The following RAB37 variants were observed in gnomAD, a reference collection of about 807,000 sequenced individuals.
RAB37 encodes RAB37, member RAS oncogene family.
RAB37 carries 29 observed loss-of-function variants against 33.1 expected under a neutral mutation model. That is an observed-to-expected ratio of 0.88 (90% CI 0.65 to 1.20). RAB37 has a LOEUF of 1.20. RAB37 is among the 50% of genes most tolerant of loss of function. The pLI, the probability that RAB37 is intolerant of heterozygous loss-of-function variation, is 0.00. For missense variants in RAB37, 299 were observed against 301.1 expected (o/e 0.99, Z 0.05); for synonymous variants, 128 against 119.5 (o/e 1.07, Z -0.47).
At chr17:74,707,164 C>T (rs1474756622) in intron 1 of RAB37, among the ~76,000 whole-genome samples, 3 of 152,122 alleles carry the variant, frequency 2.0e-5, no homozygotes, top group Admixed American at 2.0e-4. Flanking sequence ...AGCTTCTGCA[C>T]AGCAAAGGAA....
chr17:74,692,861 G>T (rs2032189319), intron 1 of RAB37, among the ~76,000 whole-genome samples: 1 of 152,190 alleles, frequency 6.6e-6, no homozygotes. Flanking sequence ...TCTGAGAGAT[G>T]CCTTCTACTC....
intron 1 of RAB37, among the ~76,000 whole-genome samples, chr17:74,720,796 C>T (rs910421604): frequency 6.6e-6 from 1 of 151,990 alleles, no homozygotes; most frequent in Non-Finnish European, 1.5e-5. Flanking sequence ...TACCCGGGTT[C>T]TTGTCAGGTG....
intron 1 of RAB37, among the ~76,000 whole-genome samples, chr17:74,709,278 A>T (rs2033776698): frequency 6.6e-6 from 1 of 152,112 alleles, no homozygotes; most frequent in Non-Finnish European, 1.5e-5. Flanking sequence ...TAACAGAGTC[A>T]AGGAGAAAAA....
Position 74,695,008 on chromosome 17 carries a change from G to A in RAB37, c.72+23350G>A, listed in dbSNP as rs969888193. 3.5e-6 allele frequency: 5 copies of A among 1,435,836 alleles called. No homozygotes were observed. In the African/African-American group the frequency reaches 5.7e-5, roughly 16 times the overall value. The allele number at this position is 1,435,836 out of a possible 1,614,324, so 88.9% of individuals were successfully genotyped here. A position where few individuals can be genotyped will look rare whatever the true frequency, so the allele number is the denominator to read the frequency against. ...GGCAGAGGCACCAGTCCCCGGGTTGGTCCTGATGAGGGGAGCAGGGGGCAG... is the reference window on the plus strand; with the variant it reads ...GGCAGAGGCACCAGTCCCCGGGTTGATCCTGATGAGGGGAGCAGGGGGCAG... On this transcript the variant is annotated intron_variant, in intron 1 of 7. Coordinates refer to the RAB37 transcript ENST00000340415.
At position 74,671,626 on chromosome 17, in the gene RAB37, G is replaced by T. The variant is rs956698681; in HGVS notation, c.40G>T (p.Gly14Cys). The change falls in exon 1 of 8, where the codon GGC becomes TGC. Residue 14 changes from glycine to cysteine, a missense_variant. Coordinates refer to the RAB37 transcript ENST00000340415. The surrounding 1 kb of genome is among the most constrained non-coding windows in gnomAD (Gnocchi z 5.0). ...ACCCGATTCCTACCAGGGAGGAGCTGGCCCTGACTTCAACGACCACGTCCT... is the reference window on the plus strand; with the variant it reads ...ACCCGATTCCTACCAGGGAGGAGCTTGCCCTGACTTCAACGACCACGTCCT... 3 of 1,614,100 alleles carry T rather than the reference G, an allele frequency of 1.9e-6. No homozygotes were observed. The highest frequency in any genetic ancestry group is 2.7e-5 in the African/African-American group (2 of 74,936).
In RAB37 at chr17:74,729,131, G is replaced by A; in HGVS notation, c.73-125G>A. ...CAGTGTCTTGTGTGTGTGTGTTTCT[G>A]TGTGTGTGTGTGCATGTTGTGCACA... On this transcript the variant is annotated intron_variant, in intron 1 of 7. Transcript: ENST00000340415. The surrounding 1 kb of genome is among the most constrained non-coding windows in gnomAD (Gnocchi z 4.2). The A allele has an allele frequency of 1.6e-6, 1 of 625,742 alleles. No individual in the cohort carries two copies. Among genetic ancestry groups the A allele is most frequent in the Admixed American group, 2.2e-5 (1 of 45,040 alleles). The allele number at this position is 625,742 out of a possible 1,614,324, so 38.8% of individuals were successfully genotyped here.
intron 1 of RAB37, chr17:74,704,717 G>T: frequency 6.2e-7 from 1 of 1,614,102 alleles, no homozygotes; most frequent in Non-Finnish European, 8.5e-7. Flanking sequence ...CTTCAAGTAG[G>T]TCTCCCAGCC....
intron 1 of RAB37, among the ~76,000 whole-genome samples, chr17:74,675,067 T>G (rs2031795834): frequency 6.6e-6 from 1 of 152,360 alleles, no homozygotes; most frequent in East Asian, 1.9e-4. Context: ...TGATAATACC[T>G]GCCTTATTAT....
intron 1 of RAB37, among the ~76,000 whole-genome samples, chr17:74,688,564 A>AC (rs1293330221): frequency 6.6e-6 from 1 of 151,154 alleles, no homozygotes; most frequent in Non-Finnish European, 1.5e-5. Flanking sequence ...AAAAAAAAAA[A>AC]AAGAAAAGAA....
chr17:74,711,100 C>A (rs1267552060), intron 1 of RAB37, among the ~76,000 whole-genome samples: 1 of 151,700 alleles, frequency 6.6e-6, no homozygotes, highest in Non-Finnish European at 1.5e-5. Flanking sequence ...TATTTTTTTT[C>A]TTGGGTGTTT....
chr17:74,673,407 CA>C (rs35423662), intron 1 of RAB37, among the ~76,000 whole-genome samples: 276 of 137,912 alleles, frequency 2.0e-3, no homozygotes, highest in African/African-American at 6.6e-3. Flanking sequence ...GACCTTGTCT[CA>C]AAAAAAAAAA....
chr17:74,695,721 G>A (rs1228310886), intron 1 of RAB37: 21 of 1,613,972 alleles, frequency 1.3e-5, no homozygotes, highest in Middle Eastern at 1.6e-4. Flanking sequence ...CATGGAGGAC[G>A]CACCATGGTG....
chr17:74,719,591 G>GCCCCTCTTCGTCTGATCCGTCC (rs1567806839), intron 1 of RAB37, among the ~76,000 whole-genome samples: 1 of 152,084 alleles, frequency 6.6e-6, no homozygotes, highest in Non-Finnish European at 1.5e-5. Flanking sequence ...CAATGCAGCT[G>GCCCCTCTTCGTCTGATCCGTCC]TAATTCTGGA....
chr17:74,721,613 A>T (rs2034241913), intron 1 of RAB37, among the ~76,000 whole-genome samples: 8 of 151,934 alleles, frequency 5.3e-5, no homozygotes, highest in Admixed American at 5.2e-4. Context: ...TTGTATTTTC[A>T]GTAGAGACAG....
chr17:74,678,055 G>A (rs1407285930), intron 1 of RAB37, among the ~76,000 whole-genome samples: 5 of 152,212 alleles, frequency 3.3e-5, no homozygotes, highest in Non-Finnish European at 1.5e-5. Flanking sequence ...CCAGGCTGGA[G>A]AATTGTTGAA....
intron 1 of RAB37, among the ~76,000 whole-genome samples, chr17:74,673,930 C>T (rs1455247367): frequency 6.6e-6 from 1 of 152,148 alleles, no homozygotes; most frequent in Non-Finnish European, 1.5e-5. Flanking sequence ...TTGTGATCCA[C>T]TTAAAACTCT....
intron 1 of RAB37, among the ~76,000 whole-genome samples, chr17:74,692,302 T>C (rs960665617): frequency 6.6e-6 from 1 of 152,202 alleles, no homozygotes; most frequent in African/African-American, 2.4e-5. Flanking sequence ...AGTCTCACTC[T>C]GACCTGACCA....
chr17:74,699,287 C>A (rs2032815417), intron 1 of RAB37, among the ~76,000 whole-genome samples: 1 of 152,162 alleles, frequency 6.6e-6, no homozygotes. Context: ...AGAAGCCTAA[C>A]AGAAATTGTA....
rs2034633284 is a variant in RAB37, at chr17:74,742,095, A to T, written c.205-159A>T. On this transcript the variant is annotated intron_variant, in intron 2 of 8. Coordinates refer to ENST00000392613, the MANE Select transcript of RAB37 (RefSeq NM_001006638.3). The surrounding 1 kb of genome is among the most constrained non-coding windows in gnomAD (Gnocchi z 4.0). ...GACTCCACAGTGGAGGTGTCTGGGTATGGGGTTCCTGCTGCCCTGATGGTA... is the reference window on the plus strand; with the variant it reads ...GACTCCACAGTGGAGGTGTCTGGGTTTGGGGTTCCTGCTGCCCTGATGGTA... Among the ~76,000 whole-genome samples, 1 of 152,158 alleles carries T rather than the reference A, an allele frequency of 6.6e-6. No homozygotes were observed. The highest frequency in any genetic ancestry group is 1.5e-5 in the Non-Finnish European group (1 of 68,022).
Sources: allele counts gnomAD v4.1 joint callset (sites outside exome capture counted in the v4.1 genomes callset), GRCh38; gene constraint gnomAD v4.1.1; non-coding constraint Gnocchi (gnomAD v3.1); transcripts MANE v1.5; gene names NCBI Gene and HGNC (gene_info 2026-07-23, HGNC 2026-07-21).